Variants in ARSB observed in about 807,000 individuals in gnomAD.
The protein encoded by ARSB is N-acetylgalactosamine-4-sulfatase.
In ARSB, 41 loss-of-function variants were observed where a neutral mutation model predicts 50.9. The observed-to-expected ratio is 0.81, with a 90% CI of 0.63 to 1.04. The LOEUF (loss-of-function observed/expected upper bound fraction) is 1.04. Among genes scored for constraint, ARSB ranks in the 50% least tolerant of loss-of-function variants. The pLI is 0.00. For missense variants in ARSB, 672 were observed against 693.3 expected (o/e 0.97, Z 0.35); for synonymous variants, 269 against 284.8 (o/e 0.94, Z 0.56).
In ARSB at chr5:78,979,585, C is replaced by T. The variant is rs143121834; in HGVS notation, c.312+5352G>A. Among the ~76,000 whole-genome samples, 616 of 152,302 alleles carry T rather than the reference C, an allele frequency of 4.0e-3. 2 individuals are homozygous for T. Among genetic ancestry groups the T allele is most frequent in the African/African-American group, 0.013 (557 of 41,568 alleles). ...CTTCCTATGGCACCTGGGATTCAAA[C>T]GGGCAATGAGGGAAGCACTGTAGCA... On this transcript the variant is annotated intron_variant, in intron 1 of 7. Transcript: ENST00000264914.
rs145337473 is a variant in ARSB at position 78,982,262 on chromosome 5, T to A, written c.312+2675A>T. 2.0e-3 allele frequency among the ~76,000 whole-genome samples: 299 copies of A among 152,388 alleles called. 2 individuals are homozygous for A. Among genetic ancestry groups the A allele is most frequent in the Middle Eastern group, 3.4e-3 (1 of 294 alleles). On this transcript the variant is annotated intron_variant, in intron 1 of 7. Coordinates refer to ENST00000264914, the MANE Select transcript of ARSB (RefSeq NM_000046.5). ...ACAACTTCCTTCAAGTAACTCATTT[T>A]GAGACAGTCAAAAAATTCCTTCATT...
chr5:78,984,858 C>T (rs1753083064), intron 1 of ARSB, 79 bp downstream of exon 1: 9 of 1,171,952 alleles, frequency 7.7e-6, no homozygotes, highest in Middle Eastern at 6.7e-4. Context: ...CGCCCGCGGC[C>T]TCAAGGGCCG....
intron 6 of ARSB, chr5:78,815,520 G>A: frequency 1.0e-6 from 1 of 985,420 alleles, no homozygotes; most frequent in Non-Finnish European, 1.2e-6. Context: ...CTGTGAAACT[G>A]TATGTGGCAG....
chr5:78,957,584 A>G (rs1580125286), intron 3 of ARSB, among the ~76,000 whole-genome samples: 1 of 152,304 alleles, frequency 6.6e-6, no homozygotes, highest in Non-Finnish European at 1.5e-5. Context: ...CCATGGGAAA[A>G]CATTCCAAAT....
chr5:78,829,712 C>T (rs1438404372), intron 6 of ARSB, among the ~76,000 whole-genome samples: 2 of 152,184 alleles, frequency 1.3e-5, no homozygotes, highest in Non-Finnish European at 2.9e-5. Context: ...TTATTTCAGC[C>T]TTATACACAA....
At chr5:78,860,091 TATATTCTGTTG>T (rs757616065) in intron 5 of ARSB, among the ~76,000 whole-genome samples, 2 of 152,192 alleles carry the variant, frequency 1.3e-5, no homozygotes, top group African/African-American at 2.4e-5. Flanking sequence ...GAGAAGAATG[TATATTCTGTTG>T]ATTTGGGGTG....
At chr5:78,866,306 A>C (rs1746730633) in intron 5 of ARSB, among the ~76,000 whole-genome samples, 1 of 152,122 alleles carries the variant, frequency 6.6e-6, no homozygotes, top group Non-Finnish European at 1.5e-5. Context: ...GCACAGGGAA[A>C]TTTCCCCTTA....
At chr5:78,813,225 G>A (rs766609470) in intron 6 of ARSB, among the ~76,000 whole-genome samples, 2 of 151,746 alleles carry the variant, frequency 1.3e-5, no homozygotes, top group Non-Finnish European at 2.9e-5. Context: ...CCACCACACC[G>A]GCTAATTTTT....
chr5:78,783,405 T>C (rs1256991356), intron 6 of ARSB: 1 of 152,090 alleles, frequency 6.6e-6, no homozygotes, highest in African/African-American at 2.4e-5. Context: ...TGACAGTCTT[T>C]TGGAAATGAC....
intron 6 of ARSB, among the ~76,000 whole-genome samples, chr5:78,788,304 T>C (rs1749149582): frequency 2.0e-5 from 3 of 152,206 alleles, no homozygotes; most frequent in African/African-American, 4.8e-5. Context: ...TGATGAAATA[T>C]GTTACATAAT....
intron 5 of ARSB, among the ~76,000 whole-genome samples, chr5:78,868,168 G>C (rs1393205712): frequency 7.1e-6 from 1 of 141,010 alleles, no homozygotes; most frequent in African/African-American, 2.7e-5. Context: ...TATGTGAAAA[G>C]ACCAAATCTA....
chr5:78,907,722 G>A (rs952852136), intron 4 of ARSB, among the ~76,000 whole-genome samples: 4 of 152,186 alleles, frequency 2.6e-5, no homozygotes, highest in East Asian at 1.9e-4. Flanking sequence ...CGGGTAGAGC[G>A]GTTGCACAGA....
intron 6 of ARSB, among the ~76,000 whole-genome samples, chr5:78,821,176 C>A (rs1321315521): frequency 6.6e-6 from 1 of 152,144 alleles, no homozygotes; most frequent in African/African-American, 2.4e-5. Flanking sequence ...GCTCTTGTCA[C>A]CCAGGCTAGA....
chr5:78,849,498 G>A (rs901388303), intron 5 of ARSB, among the ~76,000 whole-genome samples: 44 of 151,344 alleles, frequency 2.9e-4, no homozygotes, highest in African/African-American at 6.3e-4. Flanking sequence ...GTCAGGTAGC[G>A]TGATGCCTCC....
At chr5:78,969,290 C>T in intron 1 of ARSB, 98 bp from the exon 2 acceptor site, 3 of 1,314,618 alleles carry the variant, frequency 2.3e-6, no homozygotes, top group Non-Finnish European at 3.3e-6. Flanking sequence ...TATCTGTTGA[C>T]TTGGATGTTT....
In ARSB at chr5:78,928,305, CTTTTTTTTTTTTTTTTTTTT is replaced by C. The variant is rs34737292; in HGVS notation, c.898+26970_898+26989del. ...CAACTGTGATTGCCATTTGCTTTTG[CTTTTTTTTTTTTTTTTTTTT>C]TTTTTTTTGAGACAGAGTCTTGCTC... On this transcript the variant is annotated intron_variant, in intron 4 of 7. Transcript: ENST00000264914. Among the ~76,000 whole-genome samples, 11 of 72,574 alleles carry C rather than the reference CTTTTTTTTTTTTTTTTTTTT, an allele frequency of 1.5e-4. 1 individual carries two copies. The highest frequency in any genetic ancestry group is 5.0e-4 in the African/African-American group (10 of 19,960). The allele number at this position is 72,574 out of a possible 152,430, so 47.6% of individuals were successfully genotyped here. A position where few individuals can be genotyped will look rare whatever the true frequency, so the allele number is the denominator to read the frequency against.
At position 78,875,094 on chromosome 5, in the gene ARSB, C is replaced by A. The variant is rs570490489; in HGVS notation, c.1142+10490G>T. On this transcript the variant is annotated intron_variant, in intron 5 of 7. Transcript: ENST00000264914. ...CACCACTGCACTCTAGCTTGGGTGA[C>A]AAATTGAGACCTTGTCTCTGTTAAA... 1.3e-4 allele frequency among the ~76,000 whole-genome samples: 20 copies of A among 152,224 alleles called. No homozygotes were observed. In the East Asian group the frequency reaches 3.7e-3, roughly 28 times the overall value.
chr5:78,838,093 A>G (rs1745028073), intron 6 of ARSB, among the ~76,000 whole-genome samples: 1 of 152,086 alleles, frequency 6.6e-6, no homozygotes, highest in South Asian at 2.1e-4. Context: ...TGACAAGGAT[A>G]AAAAAATACA....
chr5:78,855,611 G>A (rs1746099888), intron 5 of ARSB, among the ~76,000 whole-genome samples: 1 of 152,170 alleles, frequency 6.6e-6, no homozygotes, highest in Admixed American at 6.5e-5. Flanking sequence ...GCATAGCATG[G>A]TAGCTATGTG....
Sources: allele counts gnomAD v4.1 joint callset (sites outside exome capture counted in the v4.1 genomes callset), GRCh38; gene constraint gnomAD v4.1.1; transcripts MANE v1.5; gene names NCBI Gene and HGNC (gene_info 2026-07-23, HGNC 2026-07-21).